Variants in CALD1 observed in about 807,000 individuals in gnomAD.
CALD1 encodes caldesmon 1.
CALD1 carries 33 observed loss-of-function variants against 99.9 expected under a neutral mutation model. The observed-to-expected ratio is 0.33, with a 90% confidence interval of 0.25 to 0.44. The LOEUF (loss-of-function observed/expected upper bound fraction) is 0.44, where lower values mean the gene tolerates loss of function less well. Among genes scored for constraint, CALD1 ranks in the 20% least tolerant of loss-of-function variants. The pLI is 1.00. For synonymous variants in CALD1, 310 were observed against 325.0 expected, an observed-to-expected ratio of 0.95 and a Z score of 0.50; for missense variants, 861 against 962.1, an observed-to-expected ratio of 0.89 and a Z score of 1.39.
At chr7:134,813,097 G>A (rs1798416738) in intron 1 of CALD1, among the ~76,000 whole-genome samples, 1 of 151,986 alleles carries the variant, frequency 6.6e-6, no homozygotes, top group Non-Finnish European at 1.5e-5. Flanking sequence ...ATTAAGATGA[G>A]AATTGAGAAT....
At chr7:134,940,180 A>C (rs758192944) in intron 6 of CALD1, among the ~76,000 whole-genome samples, 4 of 152,200 alleles carry the variant, frequency 2.6e-5, no homozygotes, top group Non-Finnish European at 5.9e-5. Context: ...ACCTGTTTTC[A>C]CACTCATCTT....
At chr7:134,926,174 A>G (rs1197997391) in intron 3 of CALD1, among the ~76,000 whole-genome samples, 3 of 152,208 alleles carry the variant, frequency 2.0e-5, no homozygotes, top group Non-Finnish European at 4.4e-5. Context: ...AACTTTCCTA[A>G]TAACAGGAAG....
chr7:134,947,381 C>A (rs1806967952), intron 7 of CALD1, 127 bp from the exon 8 acceptor site: 1 of 947,854 alleles, frequency 1.1e-6, no homozygotes, highest in Non-Finnish European at 1.5e-6. Context: ...CCAGCCTACC[C>A]CCTGGGCTAA....
chr7:134,844,119 GTTAA>G (rs1799756835), intron 2 of CALD1, 148 bp downstream of exon 2: 1 of 152,022 alleles, frequency 6.6e-6, no homozygotes, highest in African/African-American at 2.4e-5. Context: ...TTACTTGCCA[GTTAA>G]TTAATCAGTT....
In CALD1 at chr7:134,960,613, T is replaced by G; in HGVS notation, c.2280T>G (p.Pro760=). ...AAACCCCAGATGGAAACAAGTCACCTGCTCCCAAACCTTCTGTAAGTACCT... is the reference window on the plus strand; with the variant it reads ...AAACCCCAGATGGAAACAAGTCACCGGCTCCCAAACCTTCTGTAAGTACCT... The part of the protein sequence containing the change: ...LTKTPDGNKS[P]APKPSDLRPG... Residue 760 remains proline, a synonymous_variant, in exon 13 of 15, where the codon CCT becomes CCG. Coordinates refer to ENST00000361675, the MANE Select transcript of CALD1 (RefSeq NM_033138.4). 1 of 1,609,660 alleles carries G rather than the reference T, an allele frequency of 6.2e-7. No homozygotes were observed. The highest frequency in any genetic ancestry group is 1.1e-5 in the South Asian group (1 of 90,998).
chr7:134,751,442 G>T lies in CALD1; in HGVS notation c.-130+7079G>T, dbSNP rs192449565. ...TCTTCCATAGGAACCATGTTCATAGGTTTATCAAGGTGATTGTCCTTCTTT... is the reference window on the plus strand; with the variant it reads ...TCTTCCATAGGAACCATGTTCATAGTTTTATCAAGGTGATTGTCCTTCTTT... On this transcript the variant is annotated intron_variant, in intron 1 of 13. Transcript: ENST00000417172. 2.0e-3 allele frequency among the ~76,000 whole-genome samples: 301 copies of T among 152,222 alleles called. 2 individuals carry two copies. The highest frequency in any genetic ancestry group is 6.9e-3 in the African/African-American group (286 of 41,524).
intron 3 of CALD1, among the ~76,000 whole-genome samples, chr7:134,869,981 C>T (rs988727544): frequency 2.6e-5 from 4 of 152,100 alleles, no homozygotes; most frequent in East Asian, 1.9e-4. Flanking sequence ...GGGCAGTGGC[C>T]GGGCTCAGTG....
intron 7 of CALD1, among the ~76,000 whole-genome samples, chr7:134,946,847 A>ATTTT (rs543778930): frequency 4.2e-5 from 6 of 143,984 alleles, no homozygotes; most frequent in African/African-American, 1.5e-4. Flanking sequence ...CGCCCGGCTA[A>ATTTT]TTTTTTTTTT....
chr7:134,837,033 G>GT (rs141345132), intron 1 of CALD1, among the ~76,000 whole-genome samples: 11,673 of 147,986 alleles, frequency 0.079, 647 homozygotes, highest in Non-Finnish European at 0.1. Context: ...GATAAGATCT[G>GT]TTTTTTTTTT....
chr7:134,885,103 T>C (rs1801792126), intron 3 of CALD1, among the ~76,000 whole-genome samples: 1 of 152,072 alleles, frequency 6.6e-6, no homozygotes, highest in Non-Finnish European at 1.5e-5. Context: ...AGGCTAACTT[T>C]TGTACTTTTA....
intron 2 of CALD1, among the ~76,000 whole-genome samples, chr7:134,851,496 T>C (rs1003220652): frequency 3.3e-5 from 5 of 152,178 alleles, no homozygotes; most frequent in Admixed American, 6.5e-5. Flanking sequence ...GAGTACAACC[T>C]AATGTCAGAG....
At chr7:134,925,110 TCC>T (rs1183216800) in intron 3 of CALD1, among the ~76,000 whole-genome samples, 5 of 152,108 alleles carry the variant, frequency 3.3e-5, no homozygotes, top group Non-Finnish European at 1.5e-5. Context: ...TAGCTGTGTA[TCC>T]TAGAAAATGG....
chr7:134,909,747 G>T (rs1173170340), intron 3 of CALD1, among the ~76,000 whole-genome samples: 1 of 152,102 alleles, frequency 6.6e-6, no homozygotes. Context: ...ATAAATTAGA[G>T]AATCCTCACC....
chr7:134,741,209 G>T (rs879388125), upstream of CALD1, among the ~76,000 whole-genome samples: 7 of 152,152 alleles, frequency 4.6e-5, no homozygotes, highest in Non-Finnish European at 7.3e-5. Flanking sequence ...CCATAAGGCT[G>T]GGGAGGCCTC....
intron 1 of CALD1, chr7:134,745,508 G>C (rs1281535728): frequency 2.6e-5 from 4 of 152,122 alleles, no homozygotes; most frequent in African/African-American, 9.7e-5. Context: ...TTGTATTCAG[G>C]GGTGCCTTCC....
At chr7:134,887,879 T>G (rs1801954025) in intron 3 of CALD1, among the ~76,000 whole-genome samples, 2 of 151,604 alleles carry the variant, frequency 1.3e-5, no homozygotes, top group Admixed American at 1.3e-4. Context: ...TGTCTGTATG[T>G]GTGTGTATGT....
At chr7:134,857,655 C>T (rs917123678) in intron 2 of CALD1, among the ~76,000 whole-genome samples, 12 of 152,048 alleles carry the variant, frequency 7.9e-5, no homozygotes, top group African/African-American at 2.9e-4. Context: ...AATATATATG[C>T]TTAAATTATA....
chr7:134,950,435 G>A lies in CALD1; in HGVS notation c.1856G>A (p.Arg619His), dbSNP rs755925396. 1.4e-5 allele frequency: 23 copies of A among 1,613,394 alleles called. No homozygotes were observed. The highest frequency in any genetic ancestry group is 1.7e-5 in the Admixed American group (1 of 60,006). ...ERRRAEAAEK[R>H]QKMPEDGLSD... ...CGAAGAGCAGAAGCTGCTGAGAAAC[G>A]CCAGAAGATGCCAGAAGATGGCTTG... The change falls in exon 9 of 15, where the codon CGC becomes CAC. Residue 619 changes from arginine (R) to histidine (H), a missense_variant. Around this residue, in one of 5 missense-constraint regions of CALD1, gnomAD observed 190 missense variants for 249.0 expected, o/e 0.76. Coordinates refer to ENST00000361675, the MANE Select transcript of CALD1 (RefSeq NM_033138.4).
At chr7:134,767,628 T>C (rs946172057) in intron 1 of CALD1, among the ~76,000 whole-genome samples, 6 of 152,242 alleles carry the variant, frequency 3.9e-5, no homozygotes, top group South Asian at 2.1e-4. Context: ...ACAGTCTTGG[T>C]TGGATTTCAG....
Sources: gnomAD v4.1 joint callset for allele counts (sites outside exome capture counted in the v4.1 genomes callset) on GRCh38, gnomAD v4.1.1 for gene constraint, gnomAD v4.1.1 regional missense constraint, MANE v1.5 for transcripts, NCBI Gene and HGNC (gene_info 2026-07-23, HGNC 2026-07-21) for gene names.